LMX1A: variants seen among roughly 807,000 people sequenced by gnomAD.
LMX1A encodes the protein LIM homeobox transcription factor 1 alpha, also known as LIM homeobox transcription factor 1-alpha.
Under a neutral mutation model 49.1 loss-of-function variants are expected in LMX1A, and 15 were observed. The ratio of observed to expected loss-of-function variants is 0.31; its 90% CI spans 0.20 to 0.47. The LOEUF (loss-of-function observed/expected upper bound fraction) is 0.47, where lower values mean the gene tolerates loss of function less well. Among genes scored for constraint, LMX1A ranks in the 20% least tolerant of loss-of-function variants. LMX1A has a pLI of 1.00. For synonymous variants in LMX1A, 167 were observed against 185.7 expected, an observed-to-expected ratio of 0.90 and a Z score of 0.82; for missense variants, 372 against 475.8, an observed-to-expected ratio of 0.78 and a Z score of 2.03.
intron 3 of LMX1A, among the ~76,000 whole-genome samples, chr1:165,262,189 G>C (rs1571186984): frequency 2.6e-5 from 4 of 152,324 alleles, no homozygotes; most frequent in Admixed American, 6.5e-5. Flanking sequence ...GGGTAGCCAT[G>C]TGAGGTAGTA....
intron 4 of LMX1A, among the ~76,000 whole-genome samples, chr1:165,221,403 C>G (rs1447886416): frequency 9.2e-5 from 14 of 152,206 alleles, no homozygotes; most frequent in Non-Finnish European, 1.5e-4. Context: ...CCCAACTCCC[C>G]CCAACTATCC....
At chr1:165,350,426 C>G (rs1019586845) in intron 3 of LMX1A, among the ~76,000 whole-genome samples, 1 of 152,162 alleles carries the variant, frequency 6.6e-6, no homozygotes, top group African/African-American at 2.4e-5. Flanking sequence ...TATAAGCCTC[C>G]TGAAGGCAGG....
In LMX1A at chr1:165,355,350, G is replaced by A. The variant is rs1656571698; in HGVS notation, c.76+134C>T. 6 of 791,646 alleles carry A rather than the reference G, an allele frequency of 7.6e-6. No individual in the cohort carries two copies. The highest frequency in any genetic ancestry group is 1.2e-5 in the Non-Finnish European group (6 of 482,976). The allele number at this position is 791,646 out of a possible 1,614,324, so 49.0% of individuals were successfully genotyped here. On this transcript the variant is annotated intron_variant, in intron 2 of 8. Coordinates refer to ENST00000342310, the MANE Select transcript of LMX1A (RefSeq NM_177398.4). The surrounding 1 kb of genome is among the most constrained non-coding windows in gnomAD (Gnocchi z 4.7). Reference sequence around the variant, plus strand: ...CCACAAGCACTGACGGACAGATAGTGATGGGGCTCAATTTAGTGTATGAAG... The same window carrying A: ...CCACAAGCACTGACGGACAGATAGTAATGGGGCTCAATTTAGTGTATGAAG...
chr1:165,290,391 T>G (rs1654434707), intron 3 of LMX1A, among the ~76,000 whole-genome samples: 1 of 152,226 alleles, frequency 6.6e-6, no homozygotes, highest in African/African-American at 2.4e-5. Flanking sequence ...CCAACATTCC[T>G]TGGCTTATGG....
chr1:165,216,467 A>C (rs933811783), intron 4 of LMX1A, among the ~76,000 whole-genome samples: 1 of 152,166 alleles, frequency 6.6e-6, no homozygotes, highest in Admixed American at 6.5e-5. Context: ...TTTCTGAGGA[A>C]ATGGAGCTAA....
chr1:165,325,165 T>G (rs1288153103), intron 3 of LMX1A, among the ~76,000 whole-genome samples: 3 of 152,118 alleles, frequency 2.0e-5, no homozygotes, highest in Non-Finnish European at 2.9e-5. Flanking sequence ...ATCATGTTGG[T>G]CTCAAAACAA....
intron 3 of LMX1A, among the ~76,000 whole-genome samples, chr1:165,339,707 A>G (rs1227007839): frequency 2.0e-5 from 3 of 152,180 alleles, no homozygotes; most frequent in African/African-American, 7.2e-5. Context: ...CAGTTCTAAC[A>G]AACCCACAGG....
intron 4 of LMX1A, among the ~76,000 whole-genome samples, chr1:165,245,824 T>C (rs968191188): frequency 2.6e-5 from 4 of 152,078 alleles, no homozygotes; most frequent in African/African-American, 9.7e-5. Flanking sequence ...CATCTTGCTG[T>C]CTTTGCGCGG....
Position 165,262,981 on chromosome 1 carries a change from C to T in LMX1A, c.264-13341G>A, listed in dbSNP as rs1184946159. On this transcript the variant is annotated intron_variant, in intron 3 of 8. Coordinates refer to ENST00000342310, the MANE Select transcript of LMX1A (RefSeq NM_177398.4). ...GTCCTCATTGTACTAAGCCCATCAG[C>T]AGGCTTGGACATCATCAATCATTTG... Among the ~76,000 whole-genome samples the T allele has an allele frequency of 2.0e-5, 3 of 152,180 alleles. No homozygotes were observed. The East Asian group carries it at 5.8e-4, about 29-fold the overall frequency.
chr1:165,266,881 G>T (rs892128672), intron 3 of LMX1A, among the ~76,000 whole-genome samples: 1 of 152,072 alleles, frequency 6.6e-6, no homozygotes, highest in African/African-American at 2.4e-5. Flanking sequence ...GATTACAGGC[G>T]TGAGCCACTG....
At chr1:165,310,004 T>G (rs368366805) in intron 3 of LMX1A, among the ~76,000 whole-genome samples, 18 of 152,360 alleles carry the variant, frequency 1.2e-4, no homozygotes, top group African/African-American at 4.1e-4. Context: ...GCCTCAGCTT[T>G]GTTATCCGAT....
At chr1:165,352,617 T>C (rs971516488) in intron 3 of LMX1A, among the ~76,000 whole-genome samples, 1 of 152,120 alleles carries the variant, frequency 6.6e-6, no homozygotes, top group African/African-American at 2.4e-5. Flanking sequence ...CAATACAGTC[T>C]CACCGCAAGG....
intron 3 of LMX1A, among the ~76,000 whole-genome samples, chr1:165,303,242 C>G (rs537943942): frequency 6.6e-6 from 1 of 152,200 alleles, no homozygotes; most frequent in Admixed American, 6.5e-5. Context: ...CTCCAAGATG[C>G]TCCTGAACCT....
intron 4 of LMX1A, among the ~76,000 whole-genome samples, chr1:165,243,748 A>G (rs914389004): frequency 2.5e-4 from 38 of 152,358 alleles, no homozygotes; most frequent in African/African-American, 8.9e-4. Flanking sequence ...TTGGAATTCA[A>G]TGTAACAGTT....
intron 3 of LMX1A, among the ~76,000 whole-genome samples, chr1:165,314,947 C>T (rs1019570494): frequency 2.0e-5 from 3 of 152,158 alleles, no homozygotes; most frequent in Non-Finnish European, 4.4e-5. Flanking sequence ...CCCTGAACAC[C>T]AACACCCCAG....
chr1:165,247,346 C>A (rs1263830665), intron 4 of LMX1A, among the ~76,000 whole-genome samples: 1 of 152,034 alleles, frequency 6.6e-6, no homozygotes, highest in Non-Finnish European at 1.5e-5. Context: ...CGAAATTCTA[C>A]AGGATTTTGA....
chr1:165,307,008 G>A (rs112767599), intron 3 of LMX1A, among the ~76,000 whole-genome samples: 30 of 152,368 alleles, frequency 2.0e-4, no homozygotes, highest in African/African-American at 6.5e-4. Context: ...CAGAGGCTGC[G>A]TCTGTGCATA....
In LMX1A at chr1:165,203,764, C is replaced by T. The variant is rs1227851443; in HGVS notation, c.*116G>A. 9.1e-6 allele frequency: 8 copies of T among 875,340 alleles called. No homozygotes were observed. Among genetic ancestry groups the T allele is most frequent in the African/African-American group, 3.4e-5 (2 of 59,564 alleles). The allele number at this position is 875,340 out of a possible 1,614,324, so 54.2% of individuals were successfully genotyped here. A position where few individuals can be genotyped will look rare whatever the true frequency, so the allele number is the denominator to read the frequency against. On this transcript the variant is annotated 3_prime_UTR_variant, in exon 9 of 9. Transcript: ENST00000342310. ...TATCATTATACAACAGCATCCCCAA[C>T]AAAACTCCCTCCCCAACCCACCTCT...
chr1:165,216,958 T>TG (rs1651663187), intron 4 of LMX1A, among the ~76,000 whole-genome samples: 2 of 152,154 alleles, frequency 1.3e-5, no homozygotes, highest in Non-Finnish European at 2.9e-5. Context: ...ATGTAAAGGG[T>TG]TTAGCACCAC....
Sources: allele counts gnomAD v4.1 joint callset (sites outside exome capture counted in the v4.1 genomes callset), GRCh38; gene constraint gnomAD v4.1.1; non-coding constraint Gnocchi (gnomAD v3.1); transcripts MANE v1.5; gene names NCBI Gene and HGNC (gene_info 2026-07-23, HGNC 2026-07-21).